Variants in THOC5 observed in about 807,000 individuals in gnomAD.
THOC5 encodes the protein Fms-interacting protein.
THOC5 carries 43 observed loss-of-function variants against 92.9 expected under a neutral mutation model. The ratio of observed to expected loss-of-function variants is 0.46; its 90% CI spans 0.36 to 0.60. The LOEUF (loss-of-function observed/expected upper bound fraction) is 0.60, where lower values mean the gene tolerates loss of function less well. THOC5 is among the 20% of genes least tolerant of loss of function. The pLI, the probability that THOC5 is intolerant of heterozygous loss-of-function variation, is 0.00. For missense variants in THOC5, 659 were observed against 849.4 expected, an observed-to-expected ratio of 0.78 and a Z score of 2.79; for synonymous variants, 296 against 320.1, an observed-to-expected ratio of 0.92 and a Z score of 0.80.
intron 1 of THOC5, among the ~76,000 whole-genome samples, chr22:29,553,000 C>T (rs1044928247): frequency 2.2e-4 from 34 of 152,076 alleles, no homozygotes; most frequent in Admixed American, 1.4e-3. Context: ...GGATTAAGGG[C>T]GGGGCAAGAT....
rs2063751118 is a variant in THOC5, at chr22:29,535,916, C to G, written c.714+708G>C. On this transcript the variant is annotated intron_variant, in intron 7 of 19. Transcript: ENST00000490103. ...TCTCAAACTCCTGGGCTCAAGTGAT[C>G]CTCCCCCCTCAGCCACCCGAAGTGC... The G allele has an allele frequency of 1.3e-5, 2 of 152,068 alleles. 1 individual carries two copies. Among genetic ancestry groups the G allele is most frequent in the South Asian group, 4.2e-4 (2 of 4,818 alleles). The allele number at this position is 152,068 out of a possible 1,614,324, so 9.4% of individuals were successfully genotyped here.
intron 9 of THOC5, chr22:29,528,859 T>A (rs1462424219): frequency 2.0e-6 from 1 of 503,712 alleles, no homozygotes; most frequent in African/African-American, 1.9e-5. Context: ...CCTTATTTAA[T>A]CCACATAACA....
chr22:29,541,641 CATA>C (rs1180147569), intron 5 of THOC5, among the ~76,000 whole-genome samples: 1 of 149,912 alleles, frequency 6.7e-6, no homozygotes. Context: ...GCAGGCGGAT[CATA>C]AGATCAGGAG....
At chr22:29,531,143 GA>G in intron 8 of THOC5, 3 of 1,163,450 alleles carry the variant, frequency 2.6e-6, no homozygotes, top group South Asian at 1.8e-5. Context: ...GAACAAAGGG[GA>G]GGGGAGGACC....
At chr22:29,538,902 G>T (rs1157474859) in intron 6 of THOC5, among the ~76,000 whole-genome samples, 4 of 151,014 alleles carry the variant, frequency 2.6e-5, no homozygotes, top group Admixed American at 2.0e-4. Context: ...CTTGAGGTCA[G>T]GAGTTTGAGA....
In THOC5 at chr22:29,520,978, G is replaced by A. The variant is rs1223668712; in HGVS notation, c.1277+20C>T. ...AACTCAGAAGTAGAGAGCTCGGAGA[G>A]GAGGAAACTGCTGACTCACCCAACT... On this transcript the variant is annotated intron_variant, in intron 13 of 19. Coordinates refer to ENST00000490103, the MANE Select transcript of THOC5 (RefSeq NM_003678.5). The A allele has an allele frequency of 6.3e-7, 1 of 1,588,404 alleles. No individual in the cohort carries two copies. Among genetic ancestry groups the A allele is most frequent in the South Asian group, 1.1e-5 (1 of 90,504 alleles).
chr22:29,547,931 CCACATGG>C (rs1435492244), intron 2 of THOC5, among the ~76,000 whole-genome samples: 1 of 152,186 alleles, frequency 6.6e-6, no homozygotes, highest in Non-Finnish European at 1.5e-5. Flanking sequence ...CTTAACAGTT[CCACATGG>C]CTGGTGAGGC....
intron 2 of THOC5, among the ~76,000 whole-genome samples, chr22:29,548,845 C>G (rs2064082263): frequency 6.6e-6 from 1 of 152,116 alleles, no homozygotes; most frequent in Non-Finnish European, 1.5e-5. Flanking sequence ...CTAATACAGG[C>G]TTGTTGGTTT....
At chr22:29,543,671 G>A (rs947107837) in intron 3 of THOC5, 129 bp from the exon 4 acceptor site, 1 of 572,394 alleles carries the variant, frequency 1.7e-6, no homozygotes. Flanking sequence ...ACCATGAGAA[G>A]GGTCATGAAG....
chr22:29,535,694 C>G (rs912216898), intron 7 of THOC5: 1 of 152,144 alleles, frequency 6.6e-6, no homozygotes, highest in Non-Finnish European at 1.5e-5. Context: ...AGAAAATTTC[C>G]AGGTAACAAG....
intron 4 of THOC5, among the ~76,000 whole-genome samples, 153 bp from the exon 5 acceptor site, chr22:29,543,109 C>T (rs1323682772): frequency 3.3e-5 from 5 of 151,832 alleles, no homozygotes; most frequent in East Asian, 1.9e-4. Flanking sequence ...TTTGGGAGGC[C>T]GAGGCGAGTG....
chr22:29,542,272 G>C (rs2063912643), intron 5 of THOC5, among the ~76,000 whole-genome samples: 1 of 152,072 alleles, frequency 6.6e-6, no homozygotes, highest in South Asian at 2.1e-4. Context: ...AAATCAAACT[G>C]GTAATGTAAA....
chr22:29,540,814 G>A (rs1462669195), intron 5 of THOC5, among the ~76,000 whole-genome samples: 1 of 152,094 alleles, frequency 6.6e-6, no homozygotes, highest in Non-Finnish European at 1.5e-5. Context: ...AACTGACACT[G>A]GTACAATATT....
At chr22:29,541,433 G>T (rs2063878590) in intron 5 of THOC5, among the ~76,000 whole-genome samples, 1 of 146,180 alleles carries the variant, frequency 6.8e-6, no homozygotes, top group African/African-American at 2.5e-5. Context: ...TCTGAGCCAA[G>T]TCAAGTCAAG....
intron 2 of THOC5, chr22:29,545,224 A>C (rs946586602): frequency 5.0e-6 from 1 of 201,816 alleles, no homozygotes; most frequent in Admixed American, 5.8e-5. Flanking sequence ...TAGCACGGGA[A>C]AGACTGGCCC....
intron 7 of THOC5, among the ~76,000 whole-genome samples, chr22:29,533,949 T>C (rs2063704193): frequency 2.0e-5 from 3 of 152,308 alleles, no homozygotes; most frequent in Non-Finnish European, 4.4e-5. Context: ...GCTAAATATA[T>C]GTATAACATA....
At chr22:29,541,880 AAAAAAAAAAAAAAATATATAT>A in intron 5 of THOC5, among the ~76,000 whole-genome samples, 1 of 81,646 alleles carries the variant, frequency 1.2e-5, no homozygotes, top group Non-Finnish European at 2.5e-5. Context: ...AAAAAAAAAA[AAAAAAAAAAAAAAATATATAT>A]ATATATATAT....
chr22:29,526,209 A>G (rs898724257), intron 11 of THOC5, among the ~76,000 whole-genome samples: 2 of 152,112 alleles, frequency 1.3e-5, no homozygotes, highest in Non-Finnish European at 2.9e-5. Context: ...ATTATAGAAA[A>G]ATTCAGAGAC....
intron 2 of THOC5, among the ~76,000 whole-genome samples, chr22:29,547,830 C>G (rs2064055932): frequency 6.6e-6 from 1 of 152,210 alleles, no homozygotes; most frequent in Non-Finnish European, 1.5e-5. Flanking sequence ...CAAACCCCCA[C>G]TCTACTGGTA....
Sources: allele counts gnomAD v4.1 joint callset (sites outside exome capture counted in the v4.1 genomes callset), GRCh38; gene constraint gnomAD v4.1.1; transcripts MANE v1.5; gene names NCBI Gene and HGNC (gene_info 2026-07-23, HGNC 2026-07-21).